WDHD1: variants seen among roughly 807,000 people sequenced by gnomAD.
WDHD1 encodes the protein WD repeat and HMG-box DNA binding protein 1.
In WDHD1, 111 loss-of-function variants were observed where a neutral mutation model predicts 135.4. The ratio of observed to expected loss-of-function variants is 0.82; its 90% CI spans 0.70 to 0.96. The LOEUF (loss-of-function observed/expected upper bound fraction) is 0.96. WDHD1 is among the 40% of genes least tolerant of loss of function. The probability of loss-of-function intolerance (pLI) is 0.00; values close to 1 mark genes in which losing one functional copy is unlikely to be tolerated. For synonymous variants in WDHD1, 434 were observed against 439.0 expected, an observed-to-expected ratio of 0.99 and a Z score of 0.14; for missense variants, 1,351 against 1,336.3, an observed-to-expected ratio of 1.01 and a Z score of -0.17.
At position 54,966,584 on chromosome 14, in the gene WDHD1, A is replaced by G. The variant is rs369870309; in HGVS notation, c.2201T>C (p.Ile734Thr). Residue 734 changes from isoleucine (I) to threonine (T), a missense_variant, in exon 18 of 26, where the codon ATA becomes ACA. Ile to Thr is a moderately conservative substitution (Grantham distance 89). Around this residue, in one of 2 missense-constraint regions of WDHD1, gnomAD observed 1,330 missense variants for 1,296.1 expected, o/e 1.03. Transcript: ENST00000360586. ...TAAATAATCAAGGTGGTTGTGAAAT[A>G]TAACTGAACGCCAAAATTGCTCCTA... ...QMEEQFWRSV[I>T]FHNHLDYLAK... is the part of the protein sequence containing the mutation. The G allele has an allele frequency of 3.9e-5, 62 of 1,607,116 alleles. No homozygotes were observed. Among genetic ancestry groups the G allele is most frequent in the Non-Finnish European group, 4.9e-5 (58 of 1,178,328 alleles).
chr14:54,944,472 T>TA lies in WDHD1; in HGVS notation c.3051-3dup. 6.3e-7 allele frequency: 1 copy of TA among 1,578,506 alleles called. No individual in the cohort carries two copies. The highest frequency in any genetic ancestry group is 8.5e-7 in the Non-Finnish European group (1 of 1,170,164). ...CACATCTGGAACCCGGTCTTTGGCCTAAAATCACAATTATGTGAAAACATT... is the reference window on the plus strand; with the variant it reads ...CACATCTGGAACCCGGTCTTTGGCCTAAAAATCACAATTATGTGAAAACATT... On this transcript the variant is annotated splice_region_variant and splice_polypyrimidine_tract_variant and intron_variant, in intron 24 of 25. Coordinates refer to ENST00000360586, the MANE Select transcript of WDHD1 (RefSeq NM_007086.4).
intron 11 of WDHD1, 119 bp from the exon 12 acceptor site, chr14:54,991,519 G>C: frequency 1.0e-6 from 1 of 967,870 alleles, no homozygotes; most frequent in Non-Finnish European, 1.5e-6. Flanking sequence ...CATGCTATTT[G>C]CCTCTTTCAC....
chr14:55,018,727 G>A (rs1266423254), intron 2 of WDHD1, among the ~76,000 whole-genome samples: 1 of 152,164 alleles, frequency 6.6e-6, no homozygotes, highest in Non-Finnish European at 1.5e-5. Context: ...AGCCTGCCAA[G>A]TACCTTAGAA....
intron 2 of WDHD1, among the ~76,000 whole-genome samples, chr14:55,021,753 T>C (rs1469468461): frequency 6.6e-6 from 1 of 152,230 alleles, no homozygotes; most frequent in Non-Finnish European, 1.5e-5. Flanking sequence ...TTATCTTTTT[T>C]GCCATACCCA....
At chr14:54,946,479 T>C (rs2040927155) in intron 24 of WDHD1, among the ~76,000 whole-genome samples, 1 of 152,224 alleles carries the variant, frequency 6.6e-6, no homozygotes, top group Non-Finnish European at 1.5e-5. Context: ...AATTAAATTA[T>C]CAATCTTCTT....
rs140770200 is a variant in WDHD1, at chr14:54,984,809, C to G, written c.1820G>C (p.Gly607Ala). 8.8e-4 allele frequency: 1,423 copies of G among 1,612,854 alleles called. 5 individuals carry two copies. Among genetic ancestry groups the G allele is most frequent in the African/African-American group, 4.4e-3 (326 of 74,852 alleles). Residue 607 changes from glycine (G) to alanine (A), a missense_variant, in exon 15 of 26, where the codon GGG becomes GCG. Coordinates refer to ENST00000360586, the MANE Select transcript of WDHD1 (RefSeq NM_007086.4). ...QCLGVQLLEL[G>A]KKKKQILHGD... ...ATGCAAAATTTGTTTTTTCTTTTTC[C>G]CCAGCTCTAGCAGTTGAACTCCAAG...
At chr14:55,013,867 A>G (rs1171022992) in intron 2 of WDHD1, among the ~76,000 whole-genome samples, 1 of 152,050 alleles carries the variant, frequency 6.6e-6, no homozygotes, top group Non-Finnish European at 1.5e-5. Context: ...TGACGGCACC[A>G]CTGCACTCCA....
rs768522134 is a variant in WDHD1, at chr14:54,991,383, T to A, written c.1171A>T (p.Thr391Ser). 1 of 1,613,714 alleles carries A rather than the reference T, an allele frequency of 6.2e-7. No individual in the cohort carries two copies. Among genetic ancestry groups the A allele is most frequent in the Non-Finnish European group, 8.5e-7 (1 of 1,179,820 alleles). Reference protein sequence around the residue: ...ENSVDISMLKTGSSLLKEEEE... With the variant: ...ENSVDISMLKSGSSLLKEEEE... Reference sequence around the variant, plus strand: ...TCCTCTTTGAGAAGACTAGAACCAGTTTTTAGCATTGAAATATCTACAACA... The same window carrying A: ...TCCTCTTTGAGAAGACTAGAACCAGATTTTAGCATTGAAATATCTACAACA... Residue 391 changes from threonine to serine, a missense_variant, in exon 12 of 26, where the codon ACT (threonine) becomes TCT (serine). Transcript: ENST00000360586.
intron 16 of WDHD1, among the ~76,000 whole-genome samples, chr14:54,973,878 A>T (rs899467986): frequency 3.9e-5 from 6 of 152,194 alleles, no homozygotes; most frequent in African/African-American, 1.4e-4. Context: ...TTTCTAAGCC[A>T]CATTTACATC....
chr14:54,965,774 G>C (rs938942513), intron 18 of WDHD1, among the ~76,000 whole-genome samples: 1 of 151,782 alleles, frequency 6.6e-6, no homozygotes. Context: ...TGACCAATGT[G>C]GTGAAACCCT....
In WDHD1 at chr14:55,003,440, G is replaced by A. The variant is rs1303848153; in HGVS notation, c.601-1255C>T. On this transcript the variant is annotated intron_variant, in intron 7 of 25. Coordinates refer to ENST00000360586, the MANE Select transcript of WDHD1 (RefSeq NM_007086.4). Reference sequence around the variant, plus strand: ...TGAGGTGGGAGGATGAACTGAGTCCGGGAGGCAGAGGTTGCAGTGAATCGT... The same window carrying A: ...TGAGGTGGGAGGATGAACTGAGTCCAGGAGGCAGAGGTTGCAGTGAATCGT... 3.3e-5 allele frequency among the ~76,000 whole-genome samples: 5 copies of A among 152,024 alleles called. No individual in the cohort carries two copies. In the South Asian group the frequency reaches 8.3e-4, roughly 25 times the overall value.
chr14:54,970,473 C>T (rs574247562), intron 16 of WDHD1, among the ~76,000 whole-genome samples: 2 of 151,970 alleles, frequency 1.3e-5, no homozygotes, highest in East Asian at 1.9e-4. Flanking sequence ...AAGATCTCTA[C>T]AAGAACTACA....
chr14:54,947,745 C>A (rs2040953674), intron 24 of WDHD1, among the ~76,000 whole-genome samples: 1 of 151,858 alleles, frequency 6.6e-6, no homozygotes, highest in African/African-American at 2.4e-5. Context: ...GCATGAGCCA[C>A]CATACCTGGC....
chr14:54,973,411 C>A (rs1432596503), intron 16 of WDHD1, among the ~76,000 whole-genome samples: 1 of 152,136 alleles, frequency 6.6e-6, no homozygotes, highest in Non-Finnish European at 1.5e-5. Flanking sequence ...CAAATACCCT[C>A]CCTTCTTTTT....
At chr14:54,977,378 T>C (rs1441462966) in intron 16 of WDHD1, among the ~76,000 whole-genome samples, 2 of 152,176 alleles carry the variant, frequency 1.3e-5, no homozygotes, top group African/African-American at 2.4e-5. Flanking sequence ...ATAACGTGAT[T>C]TGTAAATACA....
At chr14:54,946,802 G>C (rs1239678253) in intron 24 of WDHD1, among the ~76,000 whole-genome samples, 1 of 152,218 alleles carries the variant, frequency 6.6e-6, no homozygotes, top group Non-Finnish European at 1.5e-5. Context: ...CCAGCACTTT[G>C]GGAAGCCGAG....
intron 14 of WDHD1, 113 bp downstream of exon 14, chr14:54,987,033 C>T: frequency 8.0e-7 from 1 of 1,245,448 alleles, no homozygotes; most frequent in Non-Finnish European, 1.1e-6. Flanking sequence ...TTAAAGATTA[C>T]ACGGATTCAA....
chr14:54,944,356 T>C lies in WDHD1; in HGVS notation c.3165A>G (p.Arg1055=). The part of the protein sequence containing the change: ...DIIKEGMIRF[R]VLSTEERKVW... ...CCTTTCTTTCTTCAGTTGACAATACTCTAAATCGAATCATTCCTTCTTTTA... is the reference window on the plus strand; with the variant it reads ...CCTTTCTTTCTTCAGTTGACAATACCCTAAATCGAATCATTCCTTCTTTTA... Residue 1055 remains arginine (R), a synonymous_variant, in exon 25 of 26, where the codon AGA becomes AGG. Coordinates refer to ENST00000360586, the MANE Select transcript of WDHD1 (RefSeq NM_007086.4). 1.2e-6 allele frequency: 2 copies of C among 1,607,200 alleles called. No individual in the cohort carries two copies. The highest frequency in any genetic ancestry group is 1.7e-6 in the Non-Finnish European group (2 of 1,178,674).
chr14:55,002,110 C>G lies in WDHD1; in HGVS notation c.676G>C (p.Asp226His). ...ESWSHQFDLS[D>H]NFISQTLNIV... ...AAACCTACCTGAGAGATGAAATTAT[C>G]TGAAAGATCAAATTGATGACTCCAA... Residue 226 changes from aspartate (D) to histidine (H), a missense_variant, in exon 8 of 26, where the codon GAT (aspartate) becomes CAT (histidine). Physicochemically the swap from Asp to His is moderately conservative, Grantham distance 81. Transcript: ENST00000360586. 6.2e-7 allele frequency: 1 copy of G among 1,606,000 alleles called. No homozygotes were observed. The highest frequency in any genetic ancestry group is 8.5e-7 in the Non-Finnish European group (1 of 1,177,448).
Sources: allele counts gnomAD v4.1 joint callset (sites outside exome capture counted in the v4.1 genomes callset), GRCh38; gene constraint gnomAD v4.1.1; regional missense constraint gnomAD v4.1.1; transcripts MANE v1.5; gene names NCBI Gene and HGNC (gene_info 2026-07-23, HGNC 2026-07-21).